PDE3A: variants seen among roughly 807,000 people sequenced by gnomAD.
PDE3A encodes the protein phosphodiesterase 3A.
PDE3A carries 43 observed loss-of-function variants against 98.3 expected under a neutral mutation model. That is an observed-to-expected ratio of 0.44 (90% CI 0.34 to 0.56). PDE3A has a LOEUF of 0.56. PDE3A is among the 20% of genes least tolerant of loss of function. The pLI, the probability that PDE3A is intolerant of heterozygous loss-of-function variation, is 0.01. For synonymous variants in PDE3A, 663 were observed against 567.9 expected, an observed-to-expected ratio of 1.17 and a Z score of -2.38; for missense variants, 1,427 against 1,440.7, an observed-to-expected ratio of 0.99 and a Z score of 0.15.
intron 2 of PDE3A, among the ~76,000 whole-genome samples, chr12:20,562,322 C>T (rs957576643): frequency 6.0e-5 from 9 of 150,066 alleles, no homozygotes; most frequent in African/African-American, 1.5e-4. Context: ...CCTGGTTCAG[C>T]GATTCTCCTG....
intron 10 of PDE3A, among the ~76,000 whole-genome samples, chr12:20,644,109 A>T (rs76498612): frequency 0.016 from 2,486 of 152,286 alleles, 69 homozygotes; most frequent in African/African-American, 0.057. Context: ...ACAGGAGAAG[A>T]TAATTTAAGA....
chr12:20,569,920 A>G (rs12426383), intron 2 of PDE3A, among the ~76,000 whole-genome samples: 17,981 of 152,258 alleles, frequency 0.12, 1,198 homozygotes, highest in Middle Eastern at 0.22. Flanking sequence ...AATTAATTCA[A>G]TAAATTCTGC....
chr12:20,427,996 G>C (rs1944629395), intron 1 of PDE3A, among the ~76,000 whole-genome samples: 1 of 152,024 alleles, frequency 6.6e-6, no homozygotes, highest in Admixed American at 6.6e-5. Flanking sequence ...ACGAGGTCAG[G>C]AGGTCAGGAG....
At chr12:20,375,265 A>G (rs1003492078) in intron 1 of PDE3A, among the ~76,000 whole-genome samples, 6 of 152,028 alleles carry the variant, frequency 3.9e-5, no homozygotes, top group African/African-American at 1.4e-4. Context: ...TAATTCCTTT[A>G]TATAGAAACT....
At chr12:20,415,341 ATTGT>A (rs1355063895) in intron 1 of PDE3A, among the ~76,000 whole-genome samples, 1 of 151,984 alleles carries the variant, frequency 6.6e-6, no homozygotes, top group East Asian at 1.9e-4. Context: ...AAACAAGGTA[ATTGT>A]TTTGTGATAA....
At chr12:20,468,443 G>A (rs1046002076) in intron 1 of PDE3A, among the ~76,000 whole-genome samples, 2 of 152,132 alleles carry the variant, frequency 1.3e-5, no homozygotes, top group East Asian at 3.8e-4. Context: ...AAGACTGATT[G>A]TAAACATTAA....
intron 1 of PDE3A, among the ~76,000 whole-genome samples, chr12:20,453,898 A>G (rs1945111104): frequency 1.3e-5 from 2 of 152,016 alleles, no homozygotes; most frequent in South Asian, 2.1e-4. Flanking sequence ...GCCTGCTTCC[A>G]CTCTTGCCTC....
At chr12:20,409,209 T>G (rs1383877961) in intron 1 of PDE3A, among the ~76,000 whole-genome samples, 1 of 152,192 alleles carries the variant, frequency 6.6e-6, no homozygotes, top group Admixed American at 6.5e-5. Context: ...AGTATTCACA[T>G]TCTTAATAGT....
intron 4 of PDE3A, among the ~76,000 whole-genome samples, chr12:20,620,724 A>C (rs1487400216): frequency 9.2e-5 from 14 of 152,036 alleles, no homozygotes; most frequent in Admixed American, 9.2e-4. Flanking sequence ...CAGTGTGTTT[A>C]GCATCAGCTC....
Position 20,654,110 on chromosome 12 carries a change from G to A in PDE3A, c.3089G>A (p.Ser1030Asn). The A allele has an allele frequency of 6.2e-7, 1 of 1,614,106 alleles. No homozygotes were observed. The highest frequency in any genetic ancestry group is 8.5e-7 in the Non-Finnish European group (1 of 1,179,964). Residue 1030 changes from serine to asparagine, a missense_variant, in exon 15 of 16, where the codon AGC becomes AAC. Ser to Asn is a conservative substitution (Grantham distance 46, BLOSUM62 1). Coordinates refer to ENST00000359062, the MANE Select transcript of PDE3A (RefSeq NM_000921.5). Reference sequence around the variant, plus strand: ...ATGCCTGGAAAATGGGTGGAAGACAGCGATGAGTCAGGAGATACTGATGAC... The same window carrying A: ...ATGCCTGGAAAATGGGTGGAAGACAACGATGAGTCAGGAGATACTGATGAC... ...GLMPGKWVED[S>N]DESGDTDDPE...
In PDE3A at chr12:20,687,914, G is replaced by GAA. The variant is rs58496505; in HGVS notation, c.*7665_*7666dup. On this transcript the variant is annotated 3_prime_UTR_variant, in exon 16 of 16. Coordinates refer to ENST00000359062, the MANE Select transcript of PDE3A (RefSeq NM_000921.5). The stretch of plus-strand genomic sequence containing the variant: ...GACCAGTCATTACCTCTTCCCAACA[G>GAA]AAAAAAAAAAAAAAAAAAAAAAACT... Among the ~76,000 whole-genome samples, 39,206 of 94,204 alleles carry GAA rather than the reference G, an allele frequency of 0.42. 9,645 individuals carry two copies. Among genetic ancestry groups the GAA allele is most frequent in the East Asian group, 0.67 (2,137 of 3,176 alleles). 61.8% of individuals were successfully genotyped at this position (94,204 alleles called of 152,430 possible). A position where few individuals can be genotyped will look rare whatever the true frequency, so the allele number is the denominator to read the frequency against.
chr12:20,570,456 A>T (rs1942777472), intron 2 of PDE3A, among the ~76,000 whole-genome samples: 1 of 142,864 alleles, frequency 7.0e-6, no homozygotes, highest in Non-Finnish European at 1.5e-5. Context: ...AGGGAGTGAA[A>T]TTTTTCTCTT....
chr12:20,524,542 G>A (rs957798759), intron 1 of PDE3A, among the ~76,000 whole-genome samples: 2 of 152,010 alleles, frequency 1.3e-5, no homozygotes, highest in Non-Finnish European at 2.9e-5. Flanking sequence ...ATAATAGCTA[G>A]TTTTTTATTT....
At chr12:20,614,099 C>T (rs568855239) in intron 3 of PDE3A, among the ~76,000 whole-genome samples, 8 of 152,230 alleles carry the variant, frequency 5.3e-5, no homozygotes, top group Admixed American at 2.0e-4. Flanking sequence ...GCTAAAGGTT[C>T]TTTACTCTTT....
Position 20,508,891 on chromosome 12 carries a change from A to T in PDE3A, c.961-47769A>T, listed in dbSNP as rs570524738. ...TTTTTTAAGCATTAAAAATCCATACATATGATTACTAGTTTTATTCTTGGA... is the reference window on the plus strand; with the variant it reads ...TTTTTTAAGCATTAAAAATCCATACTTATGATTACTAGTTTTATTCTTGGA... On this transcript the variant is annotated intron_variant, in intron 1 of 15. Transcript: ENST00000359062. Among the ~76,000 whole-genome samples, 31 of 151,790 alleles carry T rather than the reference A, an allele frequency of 2.0e-4. 1 individual carries two copies. In the South Asian group the frequency reaches 6.2e-3, roughly 31 times the overall value.
At position 20,654,202 on chromosome 12, in the gene PDE3A, C is replaced by T. The variant is rs1944985858; in HGVS notation, c.3181C>T (p.Pro1061Ser). Reference protein sequence around the residue: ...EEETCENNESPKKKTFKRRKI... With the variant: ...EEETCENNESSKKKTFKRRKI... The stretch of plus-strand genomic sequence containing the variant: ...GGAAACCTGTGAAAATAATGAATCT[C>T]CAAGTAAGTTCTAAAACCTAGTTCT... Residue 1061 changes from proline to serine, a missense_variant, in exon 15 of 16, where the codon CCA (proline) becomes TCA (serine). Pro to Ser is a moderately conservative substitution (Grantham distance 74). Transcript: ENST00000359062. 6.2e-7 allele frequency: 1 copy of T among 1,613,780 alleles called. No homozygotes were observed. The highest frequency in any genetic ancestry group is 1.7e-5 in the Admixed American group (1 of 59,956).
intron 1 of PDE3A, among the ~76,000 whole-genome samples, chr12:20,427,336 TA>T (rs1944617057): frequency 6.6e-6 from 1 of 152,226 alleles, no homozygotes; most frequent in African/African-American, 2.4e-5. Context: ...ACCAGTACAC[TA>T]AGGGTTATTT....
intron 1 of PDE3A, among the ~76,000 whole-genome samples, chr12:20,515,282 G>A (rs1946297058): frequency 1.3e-5 from 2 of 152,206 alleles, no homozygotes; most frequent in African/African-American, 4.8e-5. Context: ...AGTAGATACT[G>A]AAGAAATGGT....
At chr12:20,404,155 G>A (rs1158445520) in intron 1 of PDE3A, among the ~76,000 whole-genome samples, 1 of 152,106 alleles carries the variant, frequency 6.6e-6, no homozygotes, top group Non-Finnish European at 1.5e-5. Context: ...CTAAAATAGA[G>A]CATAATCATA....
Sources: allele counts gnomAD v4.1 joint callset (sites outside exome capture counted in the v4.1 genomes callset), GRCh38; gene constraint gnomAD v4.1.1; transcripts MANE v1.5; gene names NCBI Gene and HGNC (gene_info 2026-07-23, HGNC 2026-07-21).